NRXN1: variants seen among roughly 807,000 people sequenced by gnomAD.
NRXN1 encodes the protein neurexin 1.
In NRXN1, 39 loss-of-function variants were observed where a neutral mutation model predicts 150.9. That is an observed-to-expected ratio of 0.26 (90% CI 0.20 to 0.34). NRXN1 has a LOEUF of 0.34. Ranked by LOEUF, NRXN1 falls within the 10% of genes least tolerant of loss-of-function variation. The pLI is 1.00. For synonymous variants in NRXN1, 924 were observed against 757.0 expected, an observed-to-expected ratio of 1.22 and a Z score of -3.62; for missense variants, 1,815 against 1,949.9, an observed-to-expected ratio of 0.93 and a Z score of 1.30.
intron 19 of NRXN1, among the ~76,000 whole-genome samples, chr2:50,074,087 CA>C (rs1558820559): frequency 6.6e-6 from 1 of 151,754 alleles, no homozygotes; most frequent in East Asian, 1.9e-4. Context: ...TTAAAATAAA[CA>C]AAAAAATTAT....
At chr2:49,990,844 C>T (rs1681811730) in intron 21 of NRXN1, among the ~76,000 whole-genome samples, 1 of 152,230 alleles carries the variant, frequency 6.6e-6, no homozygotes, top group South Asian at 2.1e-4. Context: ...TCAAAAGTAT[C>T]TGCATTTATT....
chr2:50,381,685 T>A (rs761764679), intron 17 of NRXN1, among the ~76,000 whole-genome samples: 1 of 152,002 alleles, frequency 6.6e-6, no homozygotes. Flanking sequence ...GGAAAAGTAA[T>A]TGTGGTTTTT....
chr2:49,998,399 G>A (rs540329193), intron 21 of NRXN1, among the ~76,000 whole-genome samples: 1 of 152,254 alleles, frequency 6.6e-6, no homozygotes, highest in East Asian at 1.9e-4. Context: ...TGTGTGTAAT[G>A]AATTCCCTTC....
intron 17 of NRXN1, among the ~76,000 whole-genome samples, chr2:50,363,275 A>G (rs1489803972): frequency 2.0e-5 from 3 of 152,218 alleles, no homozygotes; most frequent in African/African-American, 7.2e-5. Context: ...TCTGCACAGC[A>G]AAAGAAACTA....
chr2:50,362,758 G>T (rs2079312563), intron 17 of NRXN1, among the ~76,000 whole-genome samples: 1 of 152,038 alleles, frequency 6.6e-6, no homozygotes, highest in South Asian at 2.1e-4. Flanking sequence ...AATTTCATAT[G>T]GAATAAAAAA....
intron 15 of NRXN1, among the ~76,000 whole-genome samples, chr2:50,495,512 C>G (rs181424308): frequency 6.6e-6 from 1 of 151,660 alleles, no homozygotes; most frequent in Non-Finnish European, 1.5e-5. Context: ...TCCAGGAAAC[C>G]TTACCAAGGA....
chr2:50,643,777 AC>A (rs1684403045), intron 5 of NRXN1, among the ~76,000 whole-genome samples: 1 of 151,818 alleles, frequency 6.6e-6, no homozygotes, highest in Non-Finnish European at 1.5e-5. Context: ...CCAGAACTAG[AC>A]TGTTTTAATT....
intron 8 of NRXN1, among the ~76,000 whole-genome samples, chr2:50,606,429 C>T (rs968104319): frequency 1.3e-5 from 2 of 151,500 alleles, no homozygotes; most frequent in African/African-American, 2.4e-5. Flanking sequence ...ATTGTGGTTG[C>T]CAGGGCCTGG....
intron 5 of NRXN1, among the ~76,000 whole-genome samples, chr2:50,739,430 T>C (rs1304540031): frequency 6.6e-6 from 1 of 152,168 alleles, no homozygotes; most frequent in Non-Finnish European, 1.5e-5. Flanking sequence ...AAAAAATGTC[T>C]ATTATGCATC....
At chr2:50,742,248 AAATGC>A (rs1395308462) in intron 5 of NRXN1, among the ~76,000 whole-genome samples, 2 of 151,024 alleles carry the variant, frequency 1.3e-5, no homozygotes, top group Non-Finnish European at 3.0e-5. Flanking sequence ...ACATATATAT[AAATGC>A]AATATTTACA....
chr2:50,739,773 G>A (rs1053232902), intron 5 of NRXN1, among the ~76,000 whole-genome samples: 4 of 152,036 alleles, frequency 2.6e-5, no homozygotes, highest in Non-Finnish European at 4.4e-5. Context: ...TGTCCAATGG[G>A]GATAATATGA....
chr2:50,626,222 T>C lies in NRXN1; in HGVS notation c.833-2607A>G, dbSNP rs190011599. Among the ~76,000 whole-genome samples the C allele has an allele frequency of 3.6e-3, 550 of 151,766 alleles. 10 individuals are homozygous for C. Among genetic ancestry groups the C allele is most frequent in the Admixed American group, 0.027 (410 of 15,182 alleles). On this transcript the variant is annotated intron_variant, in intron 5 of 22. Transcript: ENST00000401669. ...CAATCAATGTTTCAACATATGTAAA[T>C]AGATTCATAGATTCAATGAAATCCT...
chr2:50,561,631 C>G (rs1450422284), intron 8 of NRXN1, among the ~76,000 whole-genome samples: 1 of 152,148 alleles, frequency 6.6e-6, no homozygotes, highest in African/African-American at 2.4e-5. Flanking sequence ...TAAGCAATTA[C>G]AAACGAAGAG....
intron 8 of NRXN1, among the ~76,000 whole-genome samples, chr2:50,605,998 T>C (rs111666539): frequency 1.3e-5 from 2 of 152,088 alleles, no homozygotes; most frequent in African/African-American, 2.4e-5. Context: ...CCTGTAATCC[T>C]AGCACTTTGG....
chr2:51,004,606 A>G (rs1700476104), intron 2 of NRXN1, among the ~76,000 whole-genome samples: 1 of 151,938 alleles, frequency 6.6e-6, no homozygotes, highest in South Asian at 2.1e-4. Flanking sequence ...TCATGTCACT[A>G]CAGTCCTGCC....
intron 17 of NRXN1, among the ~76,000 whole-genome samples, chr2:50,390,397 T>A (rs1190002318): frequency 1.4e-4 from 21 of 152,150 alleles, no homozygotes; most frequent in Non-Finnish European, 3.1e-4. Flanking sequence ...TAAGAGAAGA[T>A]CTTTTTGTGA....
chr2:50,942,913 C>T (rs976128473), intron 2 of NRXN1, among the ~76,000 whole-genome samples: 2 of 152,148 alleles, frequency 1.3e-5, no homozygotes, highest in African/African-American at 2.4e-5. Context: ...GATGGAATAA[C>T]ATGGTTTGGC....
intron 19 of NRXN1, among the ~76,000 whole-genome samples, chr2:50,066,098 C>A (rs1440718671): frequency 6.6e-6 from 1 of 152,168 alleles, no homozygotes; most frequent in Non-Finnish European, 1.5e-5. Context: ...AAATACTTCA[C>A]CTTCCTTCTT....
At chr2:50,114,830 A>G (rs1702819117) in intron 18 of NRXN1, among the ~76,000 whole-genome samples, 1 of 152,030 alleles carries the variant, frequency 6.6e-6, no homozygotes, top group Non-Finnish European at 1.5e-5. Flanking sequence ...AGAGACATAA[A>G]AGAACACATT....
Sources: gnomAD v4.1 joint callset for allele counts (sites outside exome capture counted in the v4.1 genomes callset) on GRCh38, gnomAD v4.1.1 for gene constraint, MANE v1.5 for transcripts, NCBI Gene and HGNC (gene_info 2026-07-23, HGNC 2026-07-21) for gene names.